Variants in GNAS observed in about 807,000 individuals in gnomAD.
GNAS encodes the protein protein ALEX.
In GNAS, 8 loss-of-function variants were observed where a neutral mutation model predicts 54.5. The ratio of observed to expected loss-of-function variants is 0.15; its 90% CI spans 0.09 to 0.26. The LOEUF (loss-of-function observed/expected upper bound fraction) is 0.26, where lower values mean the gene tolerates loss of function less well. GNAS is among the 10% of genes least tolerant of loss of function. GNAS has a pLI of 1.00. For missense variants in GNAS, 170 were observed against 529.8 expected, an observed-to-expected ratio of 0.32 and a Z score of 6.67; for synonymous variants, 204 against 191.4, an observed-to-expected ratio of 1.07 and a Z score of -0.54.
chr20:58,885,268 G>C (rs958696512), intron 1 of GNAS, among the ~76,000 whole-genome samples: 4 of 152,106 alleles, frequency 2.6e-5, no homozygotes, highest in Non-Finnish European at 4.4e-5. Flanking sequence ...AGAGAGTCAG[G>C]AAAGATCAAG....
At chr20:58,872,728 TG>T (rs2087550357) in intron 1 of GNAS, among the ~76,000 whole-genome samples, 1 of 151,824 alleles carries the variant, frequency 6.6e-6, no homozygotes, top group Non-Finnish European at 1.5e-5. Flanking sequence ...CAAGGTTGAT[TG>T]CTCTGTGCTG....
chr20:58,896,066 C>T (rs1043680890), intron 2 of GNAS, among the ~76,000 whole-genome samples: 1 of 152,176 alleles, frequency 6.6e-6, no homozygotes, highest in Non-Finnish European at 1.5e-5. Flanking sequence ...GCCCCCTCGT[C>T]CGGCCCACGC....
At chr20:58,893,063 TTTC>T (rs1433412035) in intron 1 of GNAS, among the ~76,000 whole-genome samples, 4 of 108,876 alleles carry the variant, frequency 3.7e-5, no homozygotes, top group African/African-American at 1.3e-4. Flanking sequence ...AATGGCGTGG[TTTC>T]TTTTTTTTTT....
rs543390941 is a variant in GNAS at position 58,891,744 on chromosome 20, C to T, written c.18C>T (p.Asn6=). Residue 6 remains asparagine, a synonymous_variant, in exon 1 of 13, where the codon AAC becomes AAT. Coordinates refer to ENST00000371085, the MANE Select transcript of GNAS (RefSeq NM_000516.7). ...CCGCCGCCATGGGCTGCCTCGGGAA[C>T]AGTAAGACCGAGGACCAGCGCAACG... MGCLG[N]SKTEDQRNEE... The T allele has an allele frequency of 9.1e-5, 112 of 1,228,688 alleles. No homozygotes were observed. Among genetic ancestry groups the T allele is most frequent in the South Asian group, 4.2e-4 (29 of 68,830 alleles). 76.1% of individuals were successfully genotyped at this position (1,228,688 alleles called of 1,614,324 possible).
chr20:58,868,505 T>A (rs896671236), intron 1 of GNAS, among the ~76,000 whole-genome samples: 1 of 151,586 alleles, frequency 6.6e-6, no homozygotes, highest in Non-Finnish European at 1.5e-5. Flanking sequence ...TAGGGTCTGA[T>A]TTCAGATGTT....
intron 1 of GNAS, among the ~76,000 whole-genome samples, chr20:58,865,700 C>T (rs1029513710): frequency 6.6e-6 from 1 of 151,524 alleles, no homozygotes; most frequent in Non-Finnish European, 1.5e-5. Flanking sequence ...TCTCAGCCTC[C>T]TAGTAGCTGG....
rs1292209328 is a variant in GNAS, at chr20:58,878,916, G to C, written c.44-16696G>C. On this transcript the variant is annotated intron_variant, in intron 1 of 12. Coordinates refer to the GNAS transcript ENST00000306090. ...CGGTGGTGGTGGGGGTGCGGGTGGGGGGGGGAGGGAGACAAATCAGATGTA... is the reference window on the plus strand; with the variant it reads ...CGGTGGTGGTGGGGGTGCGGGTGGGCGGGGGAGGGAGACAAATCAGATGTA... Among the ~76,000 whole-genome samples the C allele has an allele frequency of 7.7e-4, 116 of 151,486 alleles. 2 individuals carry two copies. The highest frequency in any genetic ancestry group is 3.4e-3 in the Middle Eastern group (1 of 294).
chr20:58,840,972 C>G lies in GNAS; in HGVS notation c.43+86C>G. ...AAGGAGGTGAGAAGGAAAGGCAGGT[C>G]AGGGGCGAGTGGGAAGAGAGGAGGC... On this transcript the variant is annotated intron_variant, in intron 1 of 12. Coordinates refer to the GNAS transcript ENST00000306090. The surrounding 1 kb of genome is among the most constrained non-coding windows in gnomAD (Gnocchi z 6.0). 7.1e-7 allele frequency: 1 copy of G among 1,418,036 alleles called. No individual in the cohort carries two copies. Among genetic ancestry groups the G allele is most frequent in the Non-Finnish European group, 9.8e-7 (1 of 1,024,036 alleles). 87.8% of individuals were successfully genotyped at this position (1,418,036 alleles called of 1,614,324 possible).
chr20:58,878,919 G>T (rs1039341496), intron 1 of GNAS, among the ~76,000 whole-genome samples: 5 of 149,530 alleles, frequency 3.3e-5, no homozygotes, highest in South Asian at 2.2e-4. Flanking sequence ...GGGTGGGGGG[G>T]GGAGGGAGAC....
At position 58,909,653 on chromosome 20, in the gene GNAS, C is replaced by A. The variant is rs199778817; in HGVS notation, c.719-31C>A. 6.2e-7 allele frequency: 1 copy of A among 1,614,130 alleles called. No individual in the cohort carries two copies. Among genetic ancestry groups the A allele is most frequent in the South Asian group, 1.1e-5 (1 of 91,072 alleles). On this transcript the variant is annotated intron_variant, in intron 9 of 12. Transcript: ENST00000371085. The surrounding 1 kb of genome is among the most constrained non-coding windows in gnomAD (Gnocchi z 7.3). ...GTTGTTAGGGATCAGGGTCGCTGCTCACGCTCTTGGCTTTGCTCTCTTTGG... is the reference window on the plus strand; with the variant it reads ...GTTGTTAGGGATCAGGGTCGCTGCTAACGCTCTTGGCTTTGCTCTCTTTGG...
Position 58,909,207 on chromosome 20 carries a change from G to A in GNAS, c.576G>A (p.Pro192=), listed in dbSNP as rs558915293. Residue 192 remains proline, a synonymous_variant, in exon 7 of 13, where the codon CCG becomes CCA. Transcript: ENST00000371085. This position sits in a 1 kb window ranked among gnomAD's most constrained non-coding sequence, Gnocchi z 7.3. ...IDVIKQADYV[P]SDQDLLRCRV... ...TGATCAAGCAGGCTGACTATGTGCC[G>A]AGCGATCAGGTGTGCAAAACCCCTC... 7.4e-6 allele frequency: 12 copies of A among 1,613,932 alleles called. No individual in the cohort carries two copies. Among genetic ancestry groups the A allele is most frequent in the South Asian group, 3.3e-5 (3 of 91,078 alleles).
intron 1 of GNAS, among the ~76,000 whole-genome samples, chr20:58,869,913 C>T (rs537125342): frequency 1.3e-5 from 2 of 152,258 alleles, no homozygotes; most frequent in South Asian, 2.1e-4. Flanking sequence ...AAGCTGGGTC[C>T]GATGGTGTCT....
Position 58,891,644 on chromosome 20 carries a change from C to A in GNAS, c.-83C>A. 1.0e-6 allele frequency: 1 copy of A among 970,440 alleles called. No individual in the cohort carries two copies. The highest frequency in any genetic ancestry group is 1.2e-6 in the Non-Finnish European group (1 of 822,422). The allele number at this position is 970,440 out of a possible 1,614,324, so 60.1% of individuals were successfully genotyped here. On this transcript the variant is annotated 5_prime_UTR_variant, in exon 1 of 13. Coordinates refer to ENST00000371085, the MANE Select transcript of GNAS (RefSeq NM_000516.7). The stretch of plus-strand genomic sequence containing the variant: ...CGCCCGGCCCGCCCGCCCGGCGCTG[C>A]CCCGGCCCTCCCGGCCCGCGTGAGG...
intron 1 of GNAS, chr20:58,854,041 C>CG (rs1310916526): frequency 6.2e-7 from 1 of 1,610,886 alleles, no homozygotes; most frequent in Non-Finnish European, 8.5e-7. Flanking sequence ...GCGGCAGTCG[C>CG]GGCCTCGAGT....
Position 58,910,846 on chromosome 20 carries a change from TTTAA to T in GNAS, c.*22_*25del, listed in dbSNP as rs775673524. The T allele has an allele frequency of 2.7e-5, 44 of 1,611,604 alleles. No homozygotes were observed. In the Admixed American group the frequency reaches 5.2e-4, roughly 19 times the overall value. On this transcript the variant is annotated 3_prime_UTR_variant, in exon 13 of 13. Coordinates refer to ENST00000371085, the MANE Select transcript of GNAS (RefSeq NM_000516.7). The surrounding 1 kb of genome is among the most constrained non-coding windows in gnomAD (Gnocchi z 5.8). The stretch of plus-strand genomic sequence containing the variant: ...CTGCTCTAAGAAGGGAACCCCCAAA[TTTAA>T]TTAAAGCCTTAAGCACAATTAATTA...
intron 6 of GNAS, among the ~76,000 whole-genome samples, chr20:58,906,489 T>C (rs1427523536): frequency 6.6e-6 from 1 of 152,224 alleles, no homozygotes; most frequent in Admixed American, 6.5e-5. Flanking sequence ...GCACATGATA[T>C]AGCAAGCATG....
intron 1 of GNAS, among the ~76,000 whole-genome samples, chr20:58,882,217 C>T (rs1296048500): frequency 6.6e-6 from 1 of 152,174 alleles, no homozygotes; most frequent in Non-Finnish European, 1.5e-5. Context: ...TACAGGCGCC[C>T]GCCACTGCGC....
intron 3 of GNAS, among the ~76,000 whole-genome samples, chr20:58,901,754 T>C (rs8121252): frequency 0.68 from 103,082 of 151,252 alleles, 35,239 homozygotes; most frequent in South Asian, 0.74. Flanking sequence ...AATAAATTTG[T>C]AAGTATAATT....
rs2086540907 is a variant in GNAS, at chr20:58,856,878, T to C, written c.43+15992T>C. 7.2e-6 allele frequency: 1 copy of C among 138,680 alleles called. No homozygotes were observed. 8.6% of individuals were successfully genotyped at this position (138,680 alleles called of 1,614,324 possible). A position where few individuals can be genotyped will look rare whatever the true frequency, so the allele number is the denominator to read the frequency against. The stretch of plus-strand genomic sequence containing the variant: ...CCCTCCTCACCCCACAGCAAGACCC[T>C]CTCCTGTATCTCCCAGTCTTTCCCT... On this transcript the variant is annotated intron_variant, in intron 1 of 12. Transcript: ENST00000306090. This position sits in a 1 kb window ranked among gnomAD's most constrained non-coding sequence, Gnocchi z 4.2.
Sources: allele counts gnomAD v4.1 joint callset (sites outside exome capture counted in the v4.1 genomes callset), GRCh38; gene constraint gnomAD v4.1.1; non-coding constraint Gnocchi (gnomAD v3.1); transcripts MANE v1.5; gene names NCBI Gene and HGNC (gene_info 2026-07-23, HGNC 2026-07-21).